IFT140: variants seen among roughly 807,000 people sequenced by gnomAD.
IFT140 encodes intraflagellar transport protein 140 homolog.
Under a neutral mutation model 164.6 loss-of-function variants are expected in IFT140, and 133 were observed. That is an observed-to-expected ratio of 0.81 (90% CI 0.70 to 0.93). The LOEUF is 0.93. Ranked by LOEUF, IFT140 falls within the 40% of genes least tolerant of loss-of-function variation. The pLI, the probability that IFT140 is intolerant of heterozygous loss-of-function variation, is 0.00. For synonymous variants in IFT140, 860 were observed against 817.3 expected, an observed-to-expected ratio of 1.05 and a Z score of -0.89; for missense variants, 2,045 against 1,972.3, an observed-to-expected ratio of 1.04 and a Z score of -0.70.
At chr16:1,542,423 G>A (rs2031738083) in intron 19 of IFT140, among the ~76,000 whole-genome samples, 1 of 152,254 alleles carries the variant, frequency 6.6e-6, no homozygotes, top group African/African-American at 2.4e-5. Flanking sequence ...GGGCAGCCTG[G>A]GTCCTGCCCC....
In IFT140 at chr16:1,526,834, C is replaced by T. The variant is rs372572191; in HGVS notation, c.2400-38G>A. The T allele has an allele frequency of 4.5e-5, 71 of 1,576,936 alleles. No individual in the cohort carries two copies. In the African/African-American group the frequency reaches 4.7e-4, roughly 10 times the overall value. On this transcript the variant is annotated intron_variant, in intron 19 of 30. Coordinates refer to ENST00000426508, the MANE Select transcript of IFT140 (RefSeq NM_014714.4). ...GGGGGTCTGTGAGGCTCCTGCCCAG[C>T]ACCTCAGGGCCCCCTGGCCCTACGG... is the stretch of plus-strand genomic sequence containing the variant.
At chr16:1,568,902 T>C (rs1005258113) in intron 14 of IFT140, among the ~76,000 whole-genome samples, 1 of 152,192 alleles carries the variant, frequency 6.6e-6, no homozygotes, top group South Asian at 2.1e-4. Context: ...TTTCCCGTCA[T>C]AGGGACACAC....
intron 30 of IFT140, among the ~76,000 whole-genome samples, chr16:1,516,195 T>A (rs2040339417): frequency 3.3e-5 from 4 of 119,600 alleles, no homozygotes; most frequent in South Asian, 2.8e-4. Flanking sequence ...AAATGGATGG[T>A]AAATATGTAG....
chr16:1,585,206 T>G (rs972470751), intron 10 of IFT140, among the ~76,000 whole-genome samples: 9 of 152,248 alleles, frequency 5.9e-5, no homozygotes, highest in Non-Finnish European at 8.8e-5. Context: ...GAAAACGTGG[T>G]CTGTTCACAG....
In IFT140 at chr16:1,564,257, T is replaced by C; in HGVS notation, c.1902-95A>G. 4 of 1,118,432 alleles carry C rather than the reference T, an allele frequency of 3.6e-6. No individual in the cohort carries two copies. The highest frequency in any genetic ancestry group is 4.9e-6 in the Non-Finnish European group (4 of 812,726). 69.3% of individuals were successfully genotyped at this position (1,118,432 alleles called of 1,614,324 possible). On this transcript the variant is annotated intron_variant, in intron 16 of 30. Transcript: ENST00000426508. This position sits in a 1 kb window ranked among gnomAD's most constrained non-coding sequence, Gnocchi z 5.5. ...ACATTCCCGAAGCCTCCAGGTGCTG[T>C]CCCAGACCATGGTGTCCACGCGCTC...
chr16:1,540,826 C>T, intron 19 of IFT140: 3 of 985,354 alleles, frequency 3.0e-6, no homozygotes, highest in Non-Finnish European at 3.6e-6. Flanking sequence ...AAATATTGTT[C>T]AATAGAAAAC....
chr16:1,510,942 C>T lies in IFT140; in HGVS notation c.*2G>A, dbSNP rs144879630. Reference sequence around the variant, plus strand: ...GCACGCTGGTCCTGGGGCCCAGGCCCCTCAGGGGTCGTCATCTGCCTCTTC... The same window carrying T: ...GCACGCTGGTCCTGGGGCCCAGGCCTCTCAGGGGTCGTCATCTGCCTCTTC... On this transcript the variant is annotated 3_prime_UTR_variant, in exon 31 of 31. Transcript: ENST00000426508. The T allele has an allele frequency of 5.0e-4, 813 of 1,610,274 alleles. 9 individuals are homozygous for T. Among genetic ancestry groups the T allele is most frequent in the South Asian group, 4.7e-3 (428 of 90,320 alleles).
rs1164630443 is a variant in IFT140, at chr16:1,518,370, G to C, written c.4041-13C>G. 6.2e-7 allele frequency: 1 copy of C among 1,611,530 alleles called. No individual in the cohort carries two copies. The highest frequency in any genetic ancestry group is 8.5e-7 in the Non-Finnish European group (1 of 1,178,474). ...CTCTGTGTACGTCCTGCCGAGAGCA[G>C]AGATGAGGCCTGGGCCCCGAAGCCC... On this transcript the variant is annotated splice_polypyrimidine_tract_variant and intron_variant, in intron 29 of 30. Coordinates refer to ENST00000426508, the MANE Select transcript of IFT140 (RefSeq NM_014714.4).
intron 6 of IFT140, among the ~76,000 whole-genome samples, 163 bp downstream of exon 6, chr16:1,592,011 CAG>C (rs1179935874): frequency 6.6e-6 from 1 of 152,240 alleles, no homozygotes; most frequent in Non-Finnish European, 1.5e-5. Context: ...TGGATGGCTG[CAG>C]AGAGTGGCTG....
intron 29 of IFT140, among the ~76,000 whole-genome samples, chr16:1,518,849 G>A (rs2040439232): frequency 6.6e-6 from 1 of 152,030 alleles, no homozygotes; most frequent in Non-Finnish European, 1.5e-5. Context: ...CACCAGGGAG[G>A]TGAGCCTGCT....
At chr16:1,530,257 C>G (rs949583572) in intron 19 of IFT140, among the ~76,000 whole-genome samples, 1 of 151,298 alleles carries the variant, frequency 6.6e-6, no homozygotes, top group Non-Finnish European at 1.5e-5. Context: ...CTCAGCCTCC[C>G]GAGTAGTTGG....
At chr16:1,571,630 T>C in intron 13 of IFT140, 96 bp from the exon 14 acceptor site, 1 of 1,274,388 alleles carries the variant, frequency 7.8e-7, no homozygotes, top group Non-Finnish European at 1.1e-6. Flanking sequence ...ATATATTTCA[T>C]GTGAGTTACT....
At chr16:1,546,571 A>T (rs1348503804) in intron 19 of IFT140, among the ~76,000 whole-genome samples, 1 of 152,216 alleles carries the variant, frequency 6.6e-6, no homozygotes, top group Non-Finnish European at 1.5e-5. Context: ...CATGCTGAGA[A>T]GCTTCAGGCC....
chr16:1,592,499 C>T lies in IFT140; in HGVS notation c.459G>A (p.Thr153=), dbSNP rs61739554. Residue 153 remains threonine, a synonymous_variant, in exon 5 of 31, where the codon ACG becomes ACA. Transcript: ENST00000426508. ...LLKHEYGKHL[T]HCIFRLPPPG... ...GAGGGGGGAGCCGGAAGATGCAGTGCGTGAGGTGTTTCCCATACTCGTGTT... is the reference window on the plus strand; with the variant it reads ...GAGGGGGGAGCCGGAAGATGCAGTGTGTGAGGTGTTTCCCATACTCGTGTT... 1.9e-5 allele frequency: 31 copies of T among 1,614,080 alleles called. No individual in the cohort carries two copies. The South Asian group carries it at 2.4e-4, about 13-fold the overall frequency.
intron 19 of IFT140, among the ~76,000 whole-genome samples, chr16:1,552,022 G>A (rs186725506): frequency 1.4e-4 from 21 of 152,302 alleles, no homozygotes; most frequent in Non-Finnish European, 2.1e-4. Flanking sequence ...GACCCCCACG[G>A]CAACCGCAGA....
chr16:1,561,336 C>G (rs1451932076), intron 18 of IFT140, among the ~76,000 whole-genome samples: 2 of 152,200 alleles, frequency 1.3e-5, no homozygotes, highest in Non-Finnish European at 2.9e-5. Flanking sequence ...ACACGGGGAC[C>G]AAGTCGCAGA....
Position 1,560,061 on chromosome 16 carries a change from T to C in IFT140, c.2199+1924A>G, listed in dbSNP as rs146929780. Among the ~76,000 whole-genome samples the C allele has an allele frequency of 3.1e-3, 475 of 152,340 alleles. 2 individuals are homozygous for C. Among genetic ancestry groups the C allele is most frequent in the South Asian group, 9.3e-3 (45 of 4,826 alleles). On this transcript the variant is annotated intron_variant, in intron 18 of 30. Transcript: ENST00000426508. ...ACTCAACAGAAATAATGTAAAACAT[T>C]GTTAATGCTTTGAGTTCTGAAATAA...
chr16:1,576,458 G>A (rs935100754), intron 13 of IFT140, among the ~76,000 whole-genome samples: 18 of 151,514 alleles, frequency 1.2e-4, no homozygotes, highest in African/African-American at 4.1e-4. Flanking sequence ...TGGGCGTGGT[G>A]GTGGGCGCCT....
intron 3 of IFT140, among the ~76,000 whole-genome samples, chr16:1,606,443 T>G (rs1385900380): frequency 6.6e-6 from 1 of 152,246 alleles, no homozygotes; most frequent in Non-Finnish European, 1.5e-5. Context: ...CTGTGAAAAC[T>G]GATGACGGAT....
Sources: gnomAD v4.1 joint callset for allele counts (sites outside exome capture counted in the v4.1 genomes callset) on GRCh38, gnomAD v4.1.1 for gene constraint, Gnocchi (gnomAD v3.1) non-coding constraint, MANE v1.5 for transcripts, NCBI Gene and HGNC (gene_info 2026-07-23, HGNC 2026-07-21) for gene names.